LYPLAL1: variants seen among roughly 807,000 people sequenced by gnomAD.
LYPLAL1 encodes the protein lysophospholipase-like protein 1.
In LYPLAL1, 23 loss-of-function variants were observed where a neutral mutation model predicts 19.7. That is an observed-to-expected ratio of 1.17 (90% confidence interval 0.84 to 1.65). The LOEUF is 1.65. Among genes scored for constraint, LYPLAL1 ranks in the 40% most tolerant of loss-of-function variants. LYPLAL1 has a pLI of 0.00. For synonymous variants in LYPLAL1, 119 were observed against 96.3 expected (o/e 1.24, Z -1.38); for missense variants, 355 against 279.4 (o/e 1.27, Z -1.93).
chr1:219,373,334 G>C, the LYPLAL1 span, among the ~76,000 whole-genome samples: 1 of 152,146 alleles, frequency 6.6e-6, no homozygotes, highest in Non-Finnish European at 1.5e-5. Context: ...GGTAGCTAAC[G>C]CAGTATATTG....
At chr1:219,352,217 C>T in the LYPLAL1 span, among the ~76,000 whole-genome samples, 2 of 152,140 alleles carry the variant, frequency 1.3e-5, no homozygotes, top group African/African-American at 2.4e-5. Flanking sequence ...AGTCTCTTCA[C>T]CTATAAATTG....
chr1:219,300,294 T>C, the LYPLAL1 span, among the ~76,000 whole-genome samples: 1 of 152,090 alleles, frequency 6.6e-6, no homozygotes, highest in Non-Finnish European at 1.5e-5. Context: ...ATATTCAGTA[T>C]TTGTATACAA....
At chr1:219,205,361 C>CT (rs1658479383) in intron 3 of LYPLAL1, among the ~76,000 whole-genome samples, 3 of 63,690 alleles carry the variant, frequency 4.7e-5, no homozygotes, top group East Asian at 1.8e-3. Context: ...GAGACTCCGT[C>CT]TCAAAAAAAA....
chr1:219,247,189 GATA>G, the LYPLAL1 span, among the ~76,000 whole-genome samples: 4 of 152,292 alleles, frequency 2.6e-5, no homozygotes, highest in African/African-American at 9.6e-5. Context: ...AAATTTTCAT[GATA>G]ATGTGTTGCA....
At chr1:219,293,139 T>G in the LYPLAL1 span, among the ~76,000 whole-genome samples, 1 of 152,174 alleles carries the variant, frequency 6.6e-6, no homozygotes, top group Admixed American at 6.5e-5. Context: ...TGGGATGGGA[T>G]AGCTTGCAGG....
chr1:219,311,518 C>T, the LYPLAL1 span, among the ~76,000 whole-genome samples: 17 of 140,756 alleles, frequency 1.2e-4, no homozygotes. Flanking sequence ...CTTGCCTTCC[C>T]TTCTATGTTG....
the LYPLAL1 span, among the ~76,000 whole-genome samples, chr1:219,227,017 T>C: frequency 6.6e-6 from 1 of 152,234 alleles, no homozygotes; most frequent in Non-Finnish European, 1.5e-5. Flanking sequence ...CTCTTCTGTC[T>C]TTGTACTGAA....
At chr1:219,329,091 T>A in the LYPLAL1 span, among the ~76,000 whole-genome samples, 1 of 152,128 alleles carries the variant, frequency 6.6e-6, no homozygotes, top group African/African-American at 2.4e-5. Flanking sequence ...TCTCCATTTT[T>A]GTAGTTCAAC....
At chr1:219,339,815 G>A in the LYPLAL1 span, among the ~76,000 whole-genome samples, 1 of 151,846 alleles carries the variant, frequency 6.6e-6, no homozygotes, top group Non-Finnish European at 1.5e-5. Flanking sequence ...GAAAAATTAG[G>A]GAGAAAAAAA....
chr1:219,266,183 G>A, the LYPLAL1 span, among the ~76,000 whole-genome samples: 17 of 151,856 alleles, frequency 1.1e-4, no homozygotes, highest in Non-Finnish European at 2.1e-4. Flanking sequence ...ATGACATTTA[G>A]TTAAAAACAA....
the LYPLAL1 span, among the ~76,000 whole-genome samples, chr1:219,417,935 A>G: frequency 6.6e-6 from 1 of 152,214 alleles, no homozygotes; most frequent in African/African-American, 2.4e-5. Flanking sequence ...CCCTTACTAT[A>G]TCAAGAATTC....
At chr1:219,407,054 C>T in the LYPLAL1 span, among the ~76,000 whole-genome samples, 54 of 152,202 alleles carry the variant, frequency 3.5e-4, no homozygotes, top group Non-Finnish European at 2.9e-4. Context: ...TGCAAAATGG[C>T]GACTAGGCAG....
chr1:219,433,618 G>A, the LYPLAL1 span, among the ~76,000 whole-genome samples: 4 of 152,142 alleles, frequency 2.6e-5, no homozygotes, highest in African/African-American at 9.7e-5. Flanking sequence ...CGTGAGAGCT[G>A]AAAAACACAG....
chr1:219,241,134 C>CTCTCTCTCTCTCTCTCTCTATA, the LYPLAL1 span, among the ~76,000 whole-genome samples: 1 of 44,370 alleles, frequency 2.3e-5, no homozygotes, highest in Non-Finnish European at 4.3e-5. Context: ...CTCTCTCTCT[C>CTCTCTCTCTCTCTCTCTCTATA]TATATATATA....
Position 219,173,881 on chromosome 1 carries a change from G to A in LYPLAL1, c.-10G>A. ...GGGGCGGAACCGCATGACTGGCAGTGGCATCAGCGATGGCGGCTGCGTCGG... is the reference window on the plus strand; with the variant it reads ...GGGGCGGAACCGCATGACTGGCAGTAGCATCAGCGATGGCGGCTGCGTCGG... On this transcript the variant is annotated 5_prime_UTR_variant, in exon 1 of 5. Transcript: ENST00000366928. 6.2e-7 allele frequency: 1 copy of A among 1,611,502 alleles called. No homozygotes were observed. The highest frequency in any genetic ancestry group is 8.5e-7 in the Non-Finnish European group (1 of 1,179,882).
At chr1:219,353,761 C>T in the LYPLAL1 span, among the ~76,000 whole-genome samples, 11 of 151,960 alleles carry the variant, frequency 7.2e-5, 1 homozygote, top group South Asian at 8.3e-4. Flanking sequence ...TTTCTAGATG[C>T]GAAGAAACAG....
chr1:219,227,262 C>G, the LYPLAL1 span, among the ~76,000 whole-genome samples: 1 of 152,160 alleles, frequency 6.6e-6, no homozygotes, highest in Non-Finnish European at 1.5e-5. Context: ...AAGTCTAAAT[C>G]AGAGGAGTTC....
the LYPLAL1 span, chr1:219,222,322 A>G: frequency 1.3e-5 from 2 of 152,268 alleles, no homozygotes; most frequent in African/African-American, 2.4e-5. Context: ...ACTTCAGGGC[A>G]TCAACCTCTT....
chr1:219,359,568 G>A, the LYPLAL1 span, among the ~76,000 whole-genome samples: 4 of 152,026 alleles, frequency 2.6e-5, no homozygotes, highest in Non-Finnish European at 5.9e-5. Flanking sequence ...TTTTATACTT[G>A]AAGGTCATTT....
Sources: allele counts gnomAD v4.1 joint callset (sites outside exome capture counted in the v4.1 genomes callset), GRCh38; gene constraint gnomAD v4.1.1; transcripts MANE v1.5; gene names NCBI Gene and HGNC (gene_info 2026-07-23, HGNC 2026-07-21).